RFWD3: variants seen among roughly 807,000 people sequenced by gnomAD.
RFWD3 encodes E3 ubiquitin-protein ligase RFWD3.
A neutral mutation model predicts 87.7 loss-of-function variants in RFWD3; 65 were observed. The ratio of observed to expected loss-of-function variants is 0.74; its 90% CI spans 0.61 to 0.91. RFWD3 has a LOEUF of 0.91. Ranked by LOEUF, RFWD3 falls within the 40% of genes least tolerant of loss-of-function variation. The pLI is 0.00. For missense variants in RFWD3, 1,078 were observed against 938.5 expected (o/e 1.15, Z -1.94); for synonymous variants, 433 against 352.8 (o/e 1.23, Z -2.55).
intron 8 of RFWD3, among the ~76,000 whole-genome samples, chr16:74,633,675 C>A (rs1184923777): frequency 6.6e-6 from 1 of 152,122 alleles, no homozygotes; most frequent in Non-Finnish European, 1.5e-5. Flanking sequence ...CATGGCCAAG[C>A]ATGGTAGCTC....
intron 8 of RFWD3, among the ~76,000 whole-genome samples, chr16:74,633,279 G>GAAAA (rs59964330): frequency 9.0e-6 from 1 of 111,004 alleles, no homozygotes; most frequent in Non-Finnish European, 1.9e-5. Flanking sequence ...CTCCGTCTCA[G>GAAAA]AAAAAAAAAA....
chr16:74,664,297 G>C (rs1961701977), intron 1 of RFWD3: 1 of 152,088 alleles, frequency 6.6e-6, no homozygotes, highest in Non-Finnish European at 1.5e-5. Flanking sequence ...AGTCTCCCAA[G>C]AATTGTGTGT....
At chr16:74,666,160 A>G (rs1051126837) in intron 1 of RFWD3, 2 of 145,882 alleles carry the variant, frequency 1.4e-5, no homozygotes, top group East Asian at 3.9e-4. Flanking sequence ...AAAGAAAGAC[A>G]TAGATAGATT....
intron 6 of RFWD3, among the ~76,000 whole-genome samples, chr16:74,638,624 T>G (rs1167391279): frequency 1.3e-5 from 2 of 152,214 alleles, no homozygotes; most frequent in Non-Finnish European, 2.9e-5. Context: ...TATTAATTTT[T>G]ATGGCAAATT....
At chr16:74,651,080 A>G (rs1960525504) in intron 3 of RFWD3, among the ~76,000 whole-genome samples, 1 of 152,210 alleles carries the variant, frequency 6.6e-6, no homozygotes, top group Non-Finnish European at 1.5e-5. Flanking sequence ...ATATGAACTT[A>G]AAGATTTTCA....
chr16:74,638,421 T>C (rs986670344), intron 6 of RFWD3, among the ~76,000 whole-genome samples: 9 of 151,814 alleles, frequency 5.9e-5, no homozygotes, highest in Non-Finnish European at 8.8e-5. Context: ...AAAGACCAAT[T>C]AGAATTAAGG....
rs561883735 is a variant in RFWD3, at chr16:74,666,843, T to TC, written c.-61dup. 0.56 allele frequency: 84,432 copies of TC among 151,000 alleles called. 25,370 individuals carry two copies. Among genetic ancestry groups the TC allele is most frequent in the East Asian group, 0.77 (3,905 of 5,060 alleles). 9.4% of individuals were successfully genotyped at this position (151,000 alleles called of 1,614,324 possible). On this transcript the variant is annotated 5_prime_UTR_variant, in exon 1 of 13. Coordinates refer to ENST00000361070, the MANE Select transcript of RFWD3 (RefSeq NM_018124.4). ...GCCCGCCGAAGACTCGGTAGTTACC[T>TC]CGGCCGCACTCCGAATGCACCTACG... is the stretch of plus-strand genomic sequence containing the variant.
chr16:74,632,969 T>C (rs956998215), intron 8 of RFWD3, among the ~76,000 whole-genome samples: 4 of 152,014 alleles, frequency 2.6e-5, no homozygotes, highest in African/African-American at 9.7e-5. Flanking sequence ...ACCTGGCCTA[T>C]GATTCATTTA....
chr16:74,645,096 G>C (rs1310915334), intron 4 of RFWD3, among the ~76,000 whole-genome samples: 1 of 152,042 alleles, frequency 6.6e-6, no homozygotes, highest in Admixed American at 6.6e-5. Flanking sequence ...AAAACACAAT[G>C]GTCAATAAGT....
Position 74,630,764 on chromosome 16 carries a change from A to G in RFWD3, c.1754+17T>C. 6.3e-7 allele frequency: 1 copy of G among 1,577,442 alleles called. No homozygotes were observed. Among genetic ancestry groups the G allele is most frequent in the Non-Finnish European group, 8.6e-7 (1 of 1,162,544 alleles). On this transcript the variant is annotated intron_variant, in intron 10 of 12. Transcript: ENST00000361070. ...AGAAAGCTGCTACCACCAGGAAAAG[A>G]GTGAGTGGCTCCCTACCTGGCTTTC...
At chr16:74,625,191 C>A (rs1958891821) in intron 12 of RFWD3, among the ~76,000 whole-genome samples, 2 of 114,976 alleles carry the variant, frequency 1.7e-5, no homozygotes, top group African/African-American at 8.3e-5. Flanking sequence ...CAGAGCAAGA[C>A]CCTGTCTCAA....
chr16:74,652,199 A>T, intron 2 of RFWD3, 77 bp from the exon 3 acceptor site: 1 of 1,330,354 alleles, frequency 7.5e-7, no homozygotes, highest in South Asian at 1.3e-5. Context: ...GATTTGAAGT[A>T]AATCCTATCA....
Position 74,666,845 on chromosome 16 carries a change from G to GCCGAAGACTCGGCAGTTACCTCC in RFWD3, c.-63_-62insGGAGGTAACTGCCGAGTCTTCGG, listed in dbSNP as rs56890104. The stretch of plus-strand genomic sequence containing the variant: ...CCGCCGAAGACTCGGTAGTTACCTC[G>GCCGAAGACTCGGCAGTTACCTCC]GCCGCACTCCGAATGCACCTACGCC... On this transcript the variant is annotated 5_prime_UTR_variant, in exon 1 of 13. Coordinates refer to ENST00000361070, the MANE Select transcript of RFWD3 (RefSeq NM_018124.4). 3 of 150,974 alleles carry GCCGAAGACTCGGCAGTTACCTCC rather than the reference G, an allele frequency of 2.0e-5. No individual in the cohort carries two copies. The highest frequency in any genetic ancestry group is 2.1e-4 in the South Asian group (1 of 4,718). The allele number at this position is 150,974 out of a possible 1,614,324, so 9.4% of individuals were successfully genotyped here. A position where few individuals can be genotyped will look rare whatever the true frequency, so the allele number is the denominator to read the frequency against.
In RFWD3 at chr16:74,628,144, G is replaced by A. The variant is rs149086252; in HGVS notation, c.1969+308C>T. ...AAGATACGAAAGTGATCTCAAGGTG[G>A]CTCAATGACCTAGAGCTGGCCCCCT... On this transcript the variant is annotated intron_variant, in intron 11 of 12. Coordinates refer to ENST00000361070, the MANE Select transcript of RFWD3 (RefSeq NM_018124.4). Among the ~76,000 whole-genome samples the A allele has an allele frequency of 5.9e-5, 9 of 152,288 alleles. No individual in the cohort carries two copies. The East Asian group carries it at 1.7e-3, about 29-fold the overall frequency.
chr16:74,644,091 G>A (rs967171954), intron 6 of RFWD3: 3 of 511,608 alleles, frequency 5.9e-6, no homozygotes, highest in African/African-American at 3.8e-5. Flanking sequence ...GGGGTGGTCA[G>A]GGATATGAGA....
intron 7 of RFWD3, among the ~76,000 whole-genome samples, chr16:74,637,350 A>G (rs1333369899): frequency 6.6e-6 from 1 of 152,142 alleles, no homozygotes; most frequent in African/African-American, 2.4e-5. Flanking sequence ...TTGTAAGGCC[A>G]GGTGCAGTGC....
intron 2 of RFWD3, among the ~76,000 whole-genome samples, chr16:74,653,647 T>C (rs1356603158): frequency 6.6e-6 from 1 of 152,150 alleles, no homozygotes; most frequent in African/African-American, 2.4e-5. Context: ...ACACCATCTC[T>C]ATTAAAAAAA....
intron 7 of RFWD3, among the ~76,000 whole-genome samples, chr16:74,637,122 TAAAAAAAAAAAA>T (rs759556308): frequency 2.9e-5 from 3 of 101,804 alleles, no homozygotes; most frequent in Admixed American, 1.1e-4. Context: ...TAAAGTCCTT[TAAAAAAAAAAAA>T]AAAAAAAAAA....
Position 74,646,048 on chromosome 16 carries a change from A to C in RFWD3, c.793-1313T>G, listed in dbSNP as rs1960115044. On this transcript the variant is annotated intron_variant, in intron 4 of 12. Transcript: ENST00000361070. ...CAGACGTGAGCCACCATGCCCAGCCAGTCACAAATATATTCTAAGATAATT... is the reference window on the plus strand; with the variant it reads ...CAGACGTGAGCCACCATGCCCAGCCCGTCACAAATATATTCTAAGATAATT... 2.0e-5 allele frequency among the ~76,000 whole-genome samples: 3 copies of C among 152,134 alleles called. No individual in the cohort carries two copies. The South Asian group carries it at 6.2e-4, about 32-fold the overall frequency.
Sources: allele counts gnomAD v4.1 joint callset (sites outside exome capture counted in the v4.1 genomes callset), GRCh38; gene constraint gnomAD v4.1.1; transcripts MANE v1.5; gene names NCBI Gene and HGNC (gene_info 2026-07-23, HGNC 2026-07-21).